SORL1: variants seen among roughly 807,000 people sequenced by gnomAD.
The protein encoded by SORL1 is sortilin-related receptor.
SORL1 carries 127 observed loss-of-function variants against 273.7 expected under a neutral mutation model. The observed-to-expected ratio is 0.46, with a 90% CI of 0.40 to 0.54. SORL1 has a LOEUF of 0.54. Among genes scored for constraint, SORL1 ranks in the 20% least tolerant of loss-of-function variants. SORL1 has a pLI of 0.00. For missense variants in SORL1, 2,494 were observed against 2,846.1 expected, an observed-to-expected ratio of 0.88 and a Z score of 2.81; for synonymous variants, 1,031 against 1,067.4, an observed-to-expected ratio of 0.97 and a Z score of 0.66.
At chr11:121,557,822 G>A (rs1862614174) in intron 19 of SORL1, among the ~76,000 whole-genome samples, 1 of 152,210 alleles carries the variant, frequency 6.6e-6, no homozygotes, top group African/African-American at 2.4e-5. Context: ...TGCACTTGGG[G>A]AAGGCAAAGG....
intron 17 of SORL1, 145 bp from the exon 18 acceptor site, chr11:121,555,042 A>G (rs745613162): frequency 1.2e-5 from 10 of 832,516 alleles, no homozygotes; most frequent in South Asian, 2.5e-5. Context: ...ACCTGGCTTC[A>G]TGTGTCTGGA....
chr11:121,502,330 G>A (rs779815674), intron 6 of SORL1, among the ~76,000 whole-genome samples: 9 of 151,730 alleles, frequency 5.9e-5, no homozygotes, highest in Non-Finnish European at 1.5e-5. Flanking sequence ...TAGAGACAGG[G>A]TTTCACTGTG....
At chr11:121,601,312 T>C (rs1389307492) in intron 32 of SORL1, among the ~76,000 whole-genome samples, 1 of 141,536 alleles carries the variant, frequency 7.1e-6, no homozygotes, top group Non-Finnish European at 1.5e-5. Context: ...GACATTTGGG[T>C]TGGTTCCAAG....
Position 121,632,928 on chromosome 11 carries a change from TA to T in SORL1, c.*3368del, listed in dbSNP as rs1863894182. 1 of 152,174 alleles carries T rather than the reference TA, an allele frequency of 6.6e-6. No homozygotes were observed. The highest frequency in any genetic ancestry group is 1.5e-5 in the Non-Finnish European group (1 of 68,032). 9.4% of individuals were successfully genotyped at this position (152,174 alleles called of 1,614,324 possible). A position where few individuals can be genotyped will look rare whatever the true frequency, so the allele number is the denominator to read the frequency against. On this transcript the variant is annotated 3_prime_UTR_variant, in exon 48 of 48. Coordinates refer to ENST00000260197, the MANE Select transcript of SORL1 (RefSeq NM_003105.6). The stretch of plus-strand genomic sequence containing the variant: ...TAGAGAAGGCATCCAGAGACATAAC[TA>T]AACTGAATATCATCCCATATTGATT...
intron 38 of SORL1, chr11:121,610,202 T>C (rs1244271625): frequency 2.6e-5 from 4 of 152,220 alleles, no homozygotes; most frequent in Admixed American, 2.6e-4. Flanking sequence ...ATGCAAGTTG[T>C]TGTTTAAATA....
chr11:121,625,037 C>A, intron 45 of SORL1, 48 bp from the exon 46 acceptor site: 1 of 1,378,030 alleles, frequency 7.3e-7, no homozygotes, highest in Non-Finnish European at 1.0e-6. Flanking sequence ...TAGAGGCTGT[C>A]AGTTTCCATA....
Position 121,577,393 on chromosome 11 carries a change from C to T in SORL1, c.3573C>T (p.Asn1191=). 1 of 1,602,984 alleles carries T rather than the reference C, an allele frequency of 6.2e-7. No homozygotes were observed. The highest frequency in any genetic ancestry group is 8.5e-7 in the Non-Finnish European group (1 of 1,175,034). The change falls in exon 25 of 48, where the codon AAC becomes AAT. Residue 1191 remains asparagine, a synonymous_variant. Transcript: ENST00000260197. ...NDCRDWSDEA[N]CTAIYHTCEA... is the part of the protein sequence containing the mutation. Reference sequence around the variant, plus strand: ...GCAGGGACTGGTCTGATGAAGCCAACTGTACCGGTCAGTACTTCCTGGACT... The same window carrying T: ...GCAGGGACTGGTCTGATGAAGCCAATTGTACCGGTCAGTACTTCCTGGACT...
At chr11:121,485,347 G>T (rs1350554077) in intron 3 of SORL1, among the ~76,000 whole-genome samples, 2 of 152,222 alleles carry the variant, frequency 1.3e-5, no homozygotes, top group East Asian at 3.8e-4. Context: ...CTGTTAAGGG[G>T]TGAGATGTGA....
intron 6 of SORL1, among the ~76,000 whole-genome samples, chr11:121,500,887 G>A (rs938025095): frequency 6.6e-6 from 1 of 152,154 alleles, no homozygotes; most frequent in African/African-American, 2.4e-5. Context: ...TCATGATTCT[G>A]ACTAAGCAAC....
chr11:121,577,982 T>C lies in SORL1; in HGVS notation c.3580+582T>C, dbSNP rs376241223. ...TATATTATGATGGGGCAGGGCAGACTGGGGGTGATAGGCAGTGGGTAGTGC... is the reference window on the plus strand; with the variant it reads ...TATATTATGATGGGGCAGGGCAGACCGGGGGTGATAGGCAGTGGGTAGTGC... On this transcript the variant is annotated intron_variant, in intron 25 of 47. Coordinates refer to ENST00000260197, the MANE Select transcript of SORL1 (RefSeq NM_003105.6). 7.9e-5 allele frequency among the ~76,000 whole-genome samples: 12 copies of C among 152,302 alleles called. No individual in the cohort carries two copies. The South Asian group carries it at 1.2e-3, about 16-fold the overall frequency.
rs900974197 is a variant in SORL1, at chr11:121,465,401, C to T, written c.286-4606C>T. On this transcript the variant is annotated intron_variant, in intron 1 of 47. Transcript: ENST00000260197. ...CCAAATCCCCAAAGACAAGCCCCCCCGCCAAAAATGGTACATCTTTCTAGC... is the reference window on the plus strand; with the variant it reads ...CCAAATCCCCAAAGACAAGCCCCCCTGCCAAAAATGGTACATCTTTCTAGC... Among the ~76,000 whole-genome samples the T allele has an allele frequency of 1.1e-4, 16 of 152,136 alleles. 1 individual carries two copies. Among genetic ancestry groups the T allele is most frequent in the Admixed American group, 3.9e-4 (6 of 15,274 alleles).
intron 6 of SORL1, among the ~76,000 whole-genome samples, chr11:121,502,731 G>T (rs957640583): frequency 6.6e-6 from 1 of 151,568 alleles, no homozygotes; most frequent in Non-Finnish European, 1.5e-5. Flanking sequence ...TTTTAAATTG[G>T]GTTCTTTTTT....
rs1356325089 is a variant in SORL1 at position 121,632,945 on chromosome 11, C to A, written c.*3382C>A. 1 of 152,050 alleles carries A rather than the reference C, an allele frequency of 6.6e-6. No individual in the cohort carries two copies. The highest frequency in any genetic ancestry group is 1.5e-5 in the Non-Finnish European group (1 of 68,010). 9.4% of individuals were successfully genotyped at this position (152,050 alleles called of 1,614,324 possible). A position where few individuals can be genotyped will look rare whatever the true frequency, so the allele number is the denominator to read the frequency against. On this transcript the variant is annotated 3_prime_UTR_variant, in exon 48 of 48. Transcript: ENST00000260197. ...GACATAACTAAACTGAATATCATCC[C>A]ATATTGATTTTAGGAATTGACTCTA...
chr11:121,474,875 C>T (rs551782019), intron 2 of SORL1, among the ~76,000 whole-genome samples: 1 of 152,348 alleles, frequency 6.6e-6, no homozygotes, highest in South Asian at 2.1e-4. Context: ...CTGGGCTGTT[C>T]AATGTGGGGG....
rs1448118748 is a variant in SORL1 at position 121,557,294 on chromosome 11, T to C, written c.2572-20T>C. 3 of 1,588,368 alleles carry C rather than the reference T, an allele frequency of 1.9e-6. No homozygotes were observed. Among genetic ancestry groups the C allele is most frequent in the East Asian group, 2.2e-5 (1 of 44,762 alleles). ...GGAGCTCCGATCCATCTCAGCCTCTTTTCCCCCTGTTTTTGTCAGGTAGCT... is the reference window on the plus strand; with the variant it reads ...GGAGCTCCGATCCATCTCAGCCTCTCTTCCCCCTGTTTTTGTCAGGTAGCT... On this transcript the variant is annotated intron_variant, in intron 18 of 47. Transcript: ENST00000260197.
In SORL1 at chr11:121,621,077, C is replaced by T; in HGVS notation, c.5903C>T (p.Ala1968Val). 1 of 1,607,888 alleles carries T rather than the reference C, an allele frequency of 6.2e-7. No homozygotes were observed. Among genetic ancestry groups the T allele is most frequent in the Non-Finnish European group, 8.5e-7 (1 of 1,176,684 alleles). Reference sequence around the variant, plus strand: ...TTTTGGTCCTAGTTGTATGCAGTTGCAGTCAAAGATCTCATAAGAAAGACT... The same window carrying T: ...TTTTGGTCCTAGTTGTATGCAGTTGTAGTCAAAGATCTCATAAGAAAGACT... ...SPDQDLLYAV[A>V]VKDLIRKTDR... Residue 1968 changes from alanine (A) to valine (V), a missense_variant, in exon 44 of 48, where the codon GCA (alanine) becomes GTA (valine). By Grantham distance (64) the Ala-to-Val change is moderately conservative (BLOSUM62 0). This residue lies in a region of SORL1 where 1,609 missense variants were observed against 1,816.4 expected (regional missense o/e 0.89). Transcript: ENST00000260197.
chr11:121,522,809 T>C (rs1337619807), intron 10 of SORL1, 106 bp downstream of exon 10: 1 of 1,368,672 alleles, frequency 7.3e-7, no homozygotes, highest in African/African-American at 1.4e-5. Context: ...GCTTTGTGGT[T>C]TGAAAGCATT....
Position 121,619,795 on chromosome 11 carries a change from G to T in SORL1, c.5767G>T (p.Val1923Phe). 6.2e-7 allele frequency: 1 copy of T among 1,614,076 alleles called. No individual in the cohort carries two copies. Among genetic ancestry groups the T allele is most frequent in the East Asian group, 2.2e-5 (1 of 44,892 alleles). Residue 1923 changes from valine to phenylalanine, a missense_variant, in exon 43 of 48, where the codon GTT becomes TTT. This residue lies in a region of SORL1 where 1,609 missense variants were observed against 1,816.4 expected (regional missense o/e 0.89). Coordinates refer to ENST00000260197, the MANE Select transcript of SORL1 (RefSeq NM_003105.6). ...VPYQGPSSDY[V>F]VVKMIPDSRL... ...CTACCAGGGGCCATCCTCTGACTAC[G>T]TTGTAGTGAAGATGATCCCGGACAG...
intron 24 of SORL1, 80 bp downstream of exon 24, chr11:121,574,443 A>G (rs1591333883): frequency 6.7e-6 from 9 of 1,347,662 alleles, no homozygotes; most frequent in Non-Finnish European, 9.3e-6. Context: ...ACTGGTATGT[A>G]CTGGTTTTCT....
Sources: allele counts gnomAD v4.1 joint callset (sites outside exome capture counted in the v4.1 genomes callset), GRCh38; gene constraint gnomAD v4.1.1; regional missense constraint gnomAD v4.1.1; transcripts MANE v1.5; gene names NCBI Gene and HGNC (gene_info 2026-07-23, HGNC 2026-07-21).